The following FSTL4 variants were observed in gnomAD, a reference collection of about 807,000 sequenced individuals.
FSTL4 encodes follistatin-related protein 4.
Under a neutral mutation model 78.2 loss-of-function variants are expected in FSTL4, and 28 were observed. That is an observed-to-expected ratio of 0.36 (90% CI 0.27 to 0.49). The LOEUF is 0.49. Among genes scored for constraint, FSTL4 ranks in the 20% least tolerant of loss-of-function variants. FSTL4 has a pLI of 0.98. For synonymous variants in FSTL4, 422 were observed against 440.5 expected, an observed-to-expected ratio of 0.96 and a Z score of 0.53; for missense variants, 922 against 1,084.9, an observed-to-expected ratio of 0.85 and a Z score of 2.11.
intron 14 of FSTL4, among the ~76,000 whole-genome samples, chr5:133,207,184 T>A (rs183658286): frequency 1.3e-5 from 2 of 152,356 alleles, no homozygotes; most frequent in Admixed American, 1.3e-4. Context: ...ATATTCAATT[T>A]TCCTGTCATC....
intron 3 of FSTL4, among the ~76,000 whole-genome samples, chr5:133,513,781 A>G (rs527507854): frequency 6.6e-6 from 1 of 152,326 alleles, no homozygotes; most frequent in East Asian, 1.9e-4. Flanking sequence ...GAATCTGTAC[A>G]TTGCGACAAA....
At chr5:133,748,806 C>T in the FSTL4 span, among the ~76,000 whole-genome samples, 5 of 152,108 alleles carry the variant, frequency 3.3e-5, no homozygotes, top group East Asian at 9.7e-4. Flanking sequence ...GCAGCCCCAA[C>T]CCCTTCTACT....
the FSTL4 span, among the ~76,000 whole-genome samples, chr5:133,841,513 C>A: frequency 6.6e-6 from 1 of 152,308 alleles, no homozygotes; most frequent in Non-Finnish European, 1.5e-5. Flanking sequence ...CCATATTGAC[C>A]ACCTACTATG....
the FSTL4 span, among the ~76,000 whole-genome samples, chr5:133,836,231 T>C: frequency 1.3e-5 from 2 of 152,194 alleles, no homozygotes; most frequent in Non-Finnish European, 2.9e-5. Flanking sequence ...TTGTCCTGTC[T>C]GTTTTATGTT....
intron 3 of FSTL4, among the ~76,000 whole-genome samples, chr5:133,431,407 C>A (rs954298658): frequency 6.6e-6 from 1 of 152,222 alleles, no homozygotes; most frequent in African/African-American, 2.4e-5. Flanking sequence ...GCAGCTTCCA[C>A]ATGAATGTCT....
intron 4 of FSTL4, among the ~76,000 whole-genome samples, chr5:133,324,236 G>C (rs1754148130): frequency 6.6e-6 from 1 of 152,194 alleles, no homozygotes; most frequent in Non-Finnish European, 1.5e-5. Context: ...GGTGGGGCTG[G>C]GAGACTCCGA....
the FSTL4 span, among the ~76,000 whole-genome samples, chr5:133,689,829 G>A: frequency 6.6e-6 from 1 of 152,158 alleles, no homozygotes; most frequent in Non-Finnish European, 1.5e-5. Context: ...TGGAAGGATA[G>A]GCGGGTGGAT....
At chr5:133,345,304 T>C (rs1754672997) in intron 4 of FSTL4, among the ~76,000 whole-genome samples, 1 of 152,184 alleles carries the variant, frequency 6.6e-6, no homozygotes, top group African/African-American at 2.4e-5. Context: ...TTAAGTTCCT[T>C]GTAGATTCTG....
At chr5:133,803,127 T>C in the FSTL4 span, among the ~76,000 whole-genome samples, 1 of 152,226 alleles carries the variant, frequency 6.6e-6, no homozygotes, top group Non-Finnish European at 1.5e-5. Context: ...TTTGTGTTGC[T>C]GGATCTGACC....
chr5:133,782,175 G>A, the FSTL4 span, among the ~76,000 whole-genome samples: 2 of 152,238 alleles, frequency 1.3e-5, no homozygotes, highest in Non-Finnish European at 2.9e-5. Flanking sequence ...CCATCTGTGG[G>A]AAAATATTTA....
intron 14 of FSTL4, chr5:133,202,592 T>C (rs1185880568): frequency 1.3e-5 from 2 of 152,532 alleles, no homozygotes; most frequent in African/African-American, 4.8e-5. Flanking sequence ...CTCTGTCGGA[T>C]GCTGCTCACA....
At chr5:133,663,737 C>T in the FSTL4 span, among the ~76,000 whole-genome samples, 1 of 152,326 alleles carries the variant, frequency 6.6e-6, no homozygotes, top group African/African-American at 2.4e-5. Flanking sequence ...AGAAGTGCTC[C>T]CCCATGGGCT....
intron 3 of FSTL4, among the ~76,000 whole-genome samples, chr5:133,549,918 C>T (rs1428620746): frequency 6.6e-6 from 1 of 152,168 alleles, no homozygotes; most frequent in Non-Finnish European, 1.5e-5. Context: ...TTATTTCATC[C>T]TTACACTAGA....
the FSTL4 span, chr5:133,720,813 T>A: frequency 6.5e-6 from 1 of 153,214 alleles, no homozygotes; most frequent in African/African-American, 2.4e-5. Flanking sequence ...ACATCTGTAC[T>A]TTGTTAATCT....
chr5:133,513,189 A>G (rs1289712710), intron 3 of FSTL4, among the ~76,000 whole-genome samples: 1 of 152,196 alleles, frequency 6.6e-6, no homozygotes, highest in Admixed American at 6.5e-5. Context: ...CCTCTTCTGT[A>G]ACAGGCATTT....
intron 3 of FSTL4, among the ~76,000 whole-genome samples, chr5:133,502,607 T>A (rs1180405047): frequency 6.6e-6 from 1 of 152,048 alleles, no homozygotes; most frequent in Non-Finnish European, 1.5e-5. Context: ...AATGAGTGAG[T>A]TATCATGAGG....
chr5:133,393,386 C>T (rs2126963537), intron 4 of FSTL4, among the ~76,000 whole-genome samples: 1 of 152,276 alleles, frequency 6.6e-6, no homozygotes, highest in Non-Finnish European at 1.5e-5. Context: ...TACTGGTATC[C>T]TCAGGTCCTG....
chr5:133,819,954 G>A, the FSTL4 span, among the ~76,000 whole-genome samples: 3 of 152,140 alleles, frequency 2.0e-5, no homozygotes, highest in East Asian at 5.8e-4. Context: ...TTTTTCACAT[G>A]AGGAGGTGGC....
intron 4 of FSTL4, among the ~76,000 whole-genome samples, chr5:133,373,930 A>C (rs1055339884): frequency 1.3e-5 from 2 of 152,098 alleles, no homozygotes; most frequent in Non-Finnish European, 2.9e-5. Context: ...GAAGCATGGG[A>C]AGTTTCTTCC....
Sources: allele counts gnomAD v4.1 joint callset (sites outside exome capture counted in the v4.1 genomes callset), GRCh38; gene constraint gnomAD v4.1.1; transcripts MANE v1.5; gene names NCBI Gene and HGNC (gene_info 2026-07-23, HGNC 2026-07-21).